Variants in FHDC1 observed in about 807,000 individuals in gnomAD.
FHDC1 encodes the protein FH2 domain containing 1.
A neutral mutation model predicts 52.6 loss-of-function variants in FHDC1; 25 were observed. That is an observed-to-expected ratio of 0.48 (90% CI 0.35 to 0.66). The LOEUF (loss-of-function observed/expected upper bound fraction) is 0.66. FHDC1 is among the 30% of genes least tolerant of loss of function. The pLI is 0.01. For synonymous variants in FHDC1, 616 were observed against 581.5 expected, an observed-to-expected ratio of 1.06 and a Z score of -0.85; for missense variants, 1,459 against 1,452.8, an observed-to-expected ratio of 1.00 and a Z score of -0.07.
intron 3 of FHDC1, among the ~76,000 whole-genome samples, 157 bp from the exon 4 acceptor site, chr4:152,954,060 C>T (rs1740005014): frequency 6.6e-6 from 1 of 152,146 alleles, no homozygotes; most frequent in African/African-American, 2.4e-5. Flanking sequence ...TGTTTTGAGG[C>T]AGTGGGGCTG....
intron 8 of FHDC1, among the ~76,000 whole-genome samples, chr4:152,964,171 C>T (rs1740382740): frequency 6.6e-6 from 1 of 152,116 alleles, no homozygotes; most frequent in Admixed American, 6.6e-5. Flanking sequence ...GAGCTGACTC[C>T]ATAAAGTGCT....
chr4:152,967,498 C>T (rs1740501349), intron 9 of FHDC1, among the ~76,000 whole-genome samples: 1 of 152,200 alleles, frequency 6.6e-6, no homozygotes, highest in South Asian at 2.1e-4. Context: ...CTGCTCTGGC[C>T]ACCTGTGGAA....
Position 152,954,295 on chromosome 4 carries a change from T to G in FHDC1, c.639T>G (p.Leu213=), listed in dbSNP as rs1213168622. 1.2e-6 allele frequency: 2 copies of G among 1,614,082 alleles called. No homozygotes were observed. Among genetic ancestry groups the G allele is most frequent in the South Asian group, 2.2e-5 (2 of 91,076 alleles). The change falls in exon 4 of 12, where the codon CTT becomes CTG. Residue 213 remains leucine (L), a synonymous_variant. Transcript: ENST00000511601. ...HYGSETLREF[L]KFLPESEEVK... ...GATCAGAGACCTTGCGAGAATTTCT[T>G]AAGTTTTTGCCAGAGTCAGAAGAGG...
intron 4 of FHDC1, among the ~76,000 whole-genome samples, chr4:152,954,836 T>C (rs1305502026): frequency 6.6e-6 from 1 of 152,200 alleles, no homozygotes; most frequent in Admixed American, 6.5e-5. Context: ...AGATTCAGAT[T>C]TGAGCTATTC....
rs190007992 is a variant in FHDC1 at position 152,976,772 on chromosome 4, A to G, written c.*49A>G. 272 of 1,444,776 alleles carry G rather than the reference A, an allele frequency of 1.9e-4. 3 individuals carry two copies. In the East Asian group the frequency reaches 6.0e-3, roughly 32 times the overall value. 89.5% of individuals were successfully genotyped at this position (1,444,776 alleles called of 1,614,324 possible). On this transcript the variant is annotated 3_prime_UTR_variant, in exon 12 of 12. Transcript: ENST00000511601. ...CCTGGGATTCAGACGGTGAAGACTG[A>G]CTTCTGGGACGAGGATGGGGAAAGA... is the stretch of plus-strand genomic sequence containing the variant.
At chr4:152,952,723 G>A (rs1739964663) in intron 2 of FHDC1, among the ~76,000 whole-genome samples, 1 of 152,132 alleles carries the variant, frequency 6.6e-6, no homozygotes, top group East Asian at 1.9e-4. Context: ...GGTATCCCCA[G>A]GGGTCCTGGA....
rs770769119 is a variant in FHDC1 at position 152,975,572 on chromosome 4, G to A, written c.2281G>A (p.Asp761Asn). Residue 761 changes from aspartate (D) to asparagine (N), a missense_variant, in exon 12 of 12, where the codon GAC becomes AAC. Asp to Asn is a conservative substitution (Grantham distance 23). Around this residue, in one of 3 missense-constraint regions of FHDC1, gnomAD observed 939 missense variants for 854.5 expected, o/e 1.10. Coordinates refer to ENST00000511601, the MANE Select transcript of FHDC1 (RefSeq NM_001371116.1). ...AGCTTTGGGATCTGTGGGTAGCAGCGACCCTGAGAACAAAGATCCTAGACC... is the reference window on the plus strand; with the variant it reads ...AGCTTTGGGATCTGTGGGTAGCAGCAACCCTGAGAACAAAGATCCTAGACC... ...SAALGSVGSS[D>N]PENKDPRPLF... The A allele has an allele frequency of 1.7e-5, 28 of 1,613,454 alleles. No individual in the cohort carries two copies. The highest frequency in any genetic ancestry group is 1.6e-4 in the Middle Eastern group (1 of 6,084).
chr4:152,970,503 C>T (rs1028043555), intron 10 of FHDC1, among the ~76,000 whole-genome samples: 2 of 152,196 alleles, frequency 1.3e-5, no homozygotes, highest in East Asian at 3.8e-4. Flanking sequence ...TGTCAATCCC[C>T]ACAGGATCTA....
chr4:152,970,214 C>T (rs372152123), intron 10 of FHDC1, among the ~76,000 whole-genome samples: 2 of 152,192 alleles, frequency 1.3e-5, no homozygotes, highest in East Asian at 1.9e-4. Flanking sequence ...CATTTTCACC[C>T]TTGGGGTAAG....
the FHDC1 span, chr4:152,927,958 GA>G: frequency 6.8e-7 from 1 of 1,476,012 alleles, no homozygotes; most frequent in Non-Finnish European, 9.5e-7. Flanking sequence ...TGAAAAGACT[GA>G]AACCGGACCC....
intron 10 of FHDC1, among the ~76,000 whole-genome samples, chr4:152,968,949 A>G (rs1020179924): frequency 1.3e-5 from 2 of 152,184 alleles, no homozygotes; most frequent in East Asian, 3.8e-4. Flanking sequence ...CAACACCAGG[A>G]GTACGCAGGG....
chr4:152,977,035 C>A lies in FHDC1; in HGVS notation c.*312C>A. On this transcript the variant is annotated 3_prime_UTR_variant, in exon 12 of 12. Coordinates refer to ENST00000511601, the MANE Select transcript of FHDC1 (RefSeq NM_001371116.1). ...TTTAGTAGGAGTGTAAAGTGACATT[C>A]TTATGAAACAAGTCAAAAAAGTTTT... The A allele has an allele frequency of 4.4e-6, 1 of 229,778 alleles. No individual in the cohort carries two copies. Among genetic ancestry groups the A allele is most frequent in the Non-Finnish European group, 8.0e-6 (1 of 124,408 alleles). 14.2% of individuals were successfully genotyped at this position (229,778 alleles called of 1,614,324 possible).
intron 1 of FHDC1, 94 bp from the exon 2 acceptor site, chr4:152,942,834 C>T (rs917634288): frequency 4.3e-6 from 2 of 469,446 alleles, no homozygotes; most frequent in Non-Finnish European, 7.4e-6. Context: ...TCATATCCAA[C>T]TCATATGGGA....
At position 152,943,350 on chromosome 4, in the gene FHDC1, G is replaced by A. The variant is rs377110357; in HGVS notation, c.293G>A (p.Arg98Lys). The change falls in exon 2 of 12, where the codon AGA (arginine) becomes AAA (lysine). Residue 98 changes from arginine (R) to lysine (K), a missense_variant. By Grantham distance (26) the Arg-to-Lys change is conservative. Transcript: ENST00000511601. ...YSHLGKKKRM[R>K]SFFWKTIPEE... ...CACCTTGGTAAGAAAAAGCGGATGA[G>A]AAGCTTTTTTTGGAAAACTATTCCG... The A allele has an allele frequency of 1.1e-5, 17 of 1,612,404 alleles. No individual in the cohort carries two copies. The highest frequency in any genetic ancestry group is 1.3e-5 in the African/African-American group (1 of 74,386).
chr4:152,928,099 C>T, the FHDC1 span: 3 of 1,198,266 alleles, frequency 2.5e-6, no homozygotes, highest in Non-Finnish European at 3.7e-6. Flanking sequence ...TGTGCACCTA[C>T]TCTGGGAGCA....
At chr4:152,924,703 A>C in the FHDC1 span, among the ~76,000 whole-genome samples, 15 of 152,230 alleles carry the variant, frequency 9.9e-5, no homozygotes, top group East Asian at 3.9e-4. Context: ...AGTTCATGTC[A>C]TTTGTAGGGA....
the FHDC1 span, among the ~76,000 whole-genome samples, chr4:152,916,273 GT>G: frequency 1.3e-5 from 2 of 152,142 alleles, no homozygotes; most frequent in Admixed American, 6.5e-5. Flanking sequence ...AGGAACTTAT[GT>G]TTTTTTAGGT....
chr4:152,936,228 G>T (rs925795143), upstream of FHDC1: 14 of 152,340 alleles, frequency 9.2e-5, no homozygotes, highest in South Asian at 2.1e-4. Context: ...CTTCCCGGCC[G>T]GCCAGGAGCA....
the FHDC1 span, among the ~76,000 whole-genome samples, chr4:152,916,509 T>C: frequency 6.6e-6 from 1 of 151,814 alleles, no homozygotes; most frequent in Non-Finnish European, 1.5e-5. Context: ...TTGAAATAAG[T>C]GGGTGGATAT....
Sources: allele counts gnomAD v4.1 joint callset (sites outside exome capture counted in the v4.1 genomes callset), GRCh38; gene constraint gnomAD v4.1.1; regional missense constraint gnomAD v4.1.1; transcripts MANE v1.5; gene names NCBI Gene and HGNC (gene_info 2026-07-23, HGNC 2026-07-21).